KMT2E: variants seen among roughly 807,000 people sequenced by gnomAD.
The protein encoded by KMT2E is histone reader KMT2E.
KMT2E carries 30 observed loss-of-function variants against 184.6 expected under a neutral mutation model. The observed-to-expected ratio is 0.16, with a 90% CI of 0.12 to 0.22. The LOEUF (loss-of-function observed/expected upper bound fraction) is 0.22. Ranked by LOEUF, KMT2E falls within the 10% of genes least tolerant of loss-of-function variation. The pLI, the probability that KMT2E is intolerant of heterozygous loss-of-function variation, is 1.00. For synonymous variants in KMT2E, 815 were observed against 776.5 expected (o/e 1.05, Z -0.82); for missense variants, 2,023 against 2,237.4 (o/e 0.90, Z 1.93).
chr7:105,069,498 C>T (rs765036836), intron 6 of KMT2E, among the ~76,000 whole-genome samples: 3 of 152,114 alleles, frequency 2.0e-5, no homozygotes, highest in East Asian at 3.9e-4. Context: ...GCATAGTGTA[C>T]GAGGGTTTTA....
At chr7:105,039,533 C>T (rs1795796329) in intron 2 of KMT2E, among the ~76,000 whole-genome samples, 2 of 152,164 alleles carry the variant, frequency 1.3e-5, no homozygotes, top group Non-Finnish European at 2.9e-5. Context: ...TATTTAGTTA[C>T]ATTTGAAAAT....
chr7:105,101,764 T>G (rs535353136), intron 16 of KMT2E, 122 bp from the exon 17 acceptor site: 1 of 993,738 alleles, frequency 1.0e-6, no homozygotes, highest in African/African-American at 1.7e-5. Flanking sequence ...TCTCTGTTCT[T>G]TATTATATAT....
At chr7:105,097,292 T>C (rs1298728777) in intron 15 of KMT2E, among the ~76,000 whole-genome samples, 2 of 152,242 alleles carry the variant, frequency 1.3e-5, no homozygotes, top group African/African-American at 4.8e-5. Context: ...TTTTGTAAGG[T>C]CCTGTTTTCT....
Position 105,101,565 on chromosome 7 carries a change from T to C in KMT2E, c.1863T>C (p.Ile621=). 1.9e-6 allele frequency: 3 copies of C among 1,559,168 alleles called. No homozygotes were observed. Among genetic ancestry groups the C allele is most frequent in the Non-Finnish European group, 2.6e-6 (3 of 1,160,586 alleles). The part of the protein sequence containing the change: ...EVKTECKDTQ[I]VSDAEVIQEQ... The stretch of plus-strand genomic sequence containing the variant: ...AAACTGAATGTAAAGATACACAGAT[T>C]GTCAGTGATGCTGAAGTTATTCAGG... Residue 621 remains isoleucine, a synonymous_variant, in exon 16 of 27, where the codon ATT becomes ATC. Transcript: ENST00000311117.
At position 105,106,763 on chromosome 7, in the gene KMT2E, G is replaced by A. The variant is rs1798914665; in HGVS notation, c.2838G>A (p.Met946Ile). 6.2e-7 allele frequency: 1 copy of A among 1,609,756 alleles called. No homozygotes were observed. Among genetic ancestry groups the A allele is most frequent in the Non-Finnish European group, 8.5e-7 (1 of 1,177,620 alleles). ...CTCCTGGTACACCAGGAAATACCAT[G>A]CACTTTGAGGTGAGAAATTTTAATG... ...PVTPGTPGNT[M>I]HFENISSPES... The change falls in exon 20 of 27, where the codon ATG becomes ATA. Residue 946 changes from methionine (M) to isoleucine (I), a missense_variant. Around this residue, in one of 8 missense-constraint regions of KMT2E, gnomAD observed 514 missense variants for 621.8 expected, o/e 0.83. Transcript: ENST00000311117.
chr7:105,019,586 A>C (rs915357769), intron 1 of KMT2E, among the ~76,000 whole-genome samples: 3 of 152,208 alleles, frequency 2.0e-5, no homozygotes, highest in African/African-American at 4.8e-5. Context: ...CTACTTGTTC[A>C]TCATTTTTAA....
rs1479096475 is a variant in KMT2E, at chr7:105,110,846, A to G, written c.4046A>G (p.Lys1349Arg). The change falls in exon 26 of 27, where the codon AAA becomes AGA. Residue 1349 changes from lysine (K) to arginine (R), a missense_variant. Transcript: ENST00000311117. Reference protein sequence around the residue: ...PSPDTSQNTCKSPPKMSKPGS... With the variant: ...PSPDTSQNTCRSPPKMSKPGS... Reference sequence around the variant, plus strand: ...CCAGATACTTCTCAAAATACTTGTAAAAGTCCTCCAAAAATGAGCAAGGTA... The same window carrying G: ...CCAGATACTTCTCAAAATACTTGTAGAAGTCCTCCAAAAATGAGCAAGGTA... The G allele has an allele frequency of 1.9e-6, 3 of 1,613,356 alleles. No individual in the cohort carries two copies. Among genetic ancestry groups the G allele is most frequent in the African/African-American group, 1.3e-5 (1 of 74,918 alleles).
chr7:105,081,844 A>G lies in KMT2E; in HGVS notation c.1358+47A>G, dbSNP rs1183873769. ...TAATCTGTTGTTTGAAAATAGTTCC[A>G]TAATGTCCCTGTAATAATTTAGGTA... On this transcript the variant is annotated intron_variant, in intron 13 of 26. Coordinates refer to ENST00000311117, the MANE Select transcript of KMT2E (RefSeq NM_182931.3). The G allele has an allele frequency of 7.8e-6, 6 of 769,836 alleles. No individual in the cohort carries two copies. In the Admixed American group the frequency reaches 1.3e-4, roughly 16 times the overall value. The allele number at this position is 769,836 out of a possible 1,614,324, so 47.7% of individuals were successfully genotyped here. A position where few individuals can be genotyped will look rare whatever the true frequency, so the allele number is the denominator to read the frequency against.
chr7:105,051,434 C>T (rs979965169), intron 3 of KMT2E, among the ~76,000 whole-genome samples: 1 of 151,970 alleles, frequency 6.6e-6, no homozygotes, highest in African/African-American at 2.4e-5. Flanking sequence ...ATACGCCCGC[C>T]TCGGCCTACC....
At chr7:105,083,477 A>G (rs1797838461) in intron 13 of KMT2E, among the ~76,000 whole-genome samples, 1 of 152,208 alleles carries the variant, frequency 6.6e-6, no homozygotes, top group Non-Finnish European at 1.5e-5. Flanking sequence ...GGGACAAAGC[A>G]TCAATGGTAC....
intron 15 of KMT2E, among the ~76,000 whole-genome samples, chr7:105,093,725 G>T (rs1377368578): frequency 6.6e-6 from 1 of 152,050 alleles, no homozygotes; most frequent in Non-Finnish European, 1.5e-5. Context: ...TAAACTTGGT[G>T]GAACTTAGAA....
At chr7:105,111,228 C>T (rs1799244490) in intron 26 of KMT2E, 1 of 196,014 alleles carries the variant, frequency 5.1e-6, no homozygotes. Context: ...AAAGGAATGA[C>T]ATCTTCATCC....
intron 15 of KMT2E, among the ~76,000 whole-genome samples, chr7:105,093,144 G>A (rs1798275076): frequency 6.6e-6 from 1 of 152,152 alleles, no homozygotes; most frequent in South Asian, 2.1e-4. Flanking sequence ...GCACTGAGCT[G>A]TGATCCTACC....
At chr7:105,032,438 C>T (rs914422807) in intron 1 of KMT2E, among the ~76,000 whole-genome samples, 4 of 151,816 alleles carry the variant, frequency 2.6e-5, no homozygotes, top group Admixed American at 1.3e-4. Context: ...AGCGAGACTC[C>T]GTCTCAAGAA....
At chr7:105,077,633 T>TA in intron 11 of KMT2E, 200 bp downstream of exon 11, 2 of 510,230 alleles carry the variant, frequency 3.9e-6, no homozygotes, top group East Asian at 3.3e-5. Context: ...AATGCAAAGA[T>TA]ATATTCCGGT....
At chr7:105,015,468 C>G (rs146465228) in intron 1 of KMT2E, among the ~76,000 whole-genome samples, 1 of 152,216 alleles carries the variant, frequency 6.6e-6, no homozygotes, top group Non-Finnish European at 1.5e-5. Flanking sequence ...CTCGTTTTGC[C>G]TATTTTGTTC....
At position 105,107,520 on chromosome 7, in the gene KMT2E, A is replaced by G; in HGVS notation, c.3063A>G (p.Ser1021=). The G allele has an allele frequency of 6.2e-7, 1 of 1,614,214 alleles. No homozygotes were observed. Among genetic ancestry groups the G allele is most frequent in the Non-Finnish European group, 8.5e-7 (1 of 1,180,020 alleles). Residue 1021 remains serine (S), a synonymous_variant, in exon 22 of 27, where the codon TCA becomes TCG. Transcript: ENST00000311117. ...RQCPGEKEPV[S]DLQLGLDAVE... ...GTCCTGGAGAAAAGGAACCTGTGTC[A>G]GACCTTCAGCTAGGACTCGATGCAG...
chr7:105,110,569 G>A lies in KMT2E; in HGVS notation c.3937G>A (p.Gly1313Ser). ...TCACATACCCCAGTTGCAAGCTAAGGGCCCAGTCCCTTCTTTCAGTGAACT... is the reference window on the plus strand; with the variant it reads ...TCACATACCCCAGTTGCAAGCTAAGAGCCCAGTCCCTTCTTTCAGTGAACT... ...SNHIPQLQAK[G>S]PVPSFSELME... is the part of the protein sequence containing the mutation. Residue 1313 changes from glycine (G) to serine (S), a missense_variant, in exon 25 of 27, where the codon GGC (glycine) becomes AGC (serine). Coordinates refer to ENST00000311117, the MANE Select transcript of KMT2E (RefSeq NM_182931.3). 1 of 1,614,060 alleles carries A rather than the reference G, an allele frequency of 6.2e-7. No individual in the cohort carries two copies. The highest frequency in any genetic ancestry group is 1.7e-5 in the Admixed American group (1 of 60,012).
chr7:105,105,412 A>G (rs758974592), intron 17 of KMT2E, 27 bp from the exon 18 acceptor site: 4 of 1,529,128 alleles, frequency 2.6e-6, no homozygotes, highest in Non-Finnish European at 3.5e-6. Flanking sequence ...TACATATATA[A>G]TGATCCAATT....
Sources: allele counts gnomAD v4.1 joint callset (sites outside exome capture counted in the v4.1 genomes callset), GRCh38; gene constraint gnomAD v4.1.1; regional missense constraint gnomAD v4.1.1; transcripts MANE v1.5; gene names NCBI Gene and HGNC (gene_info 2026-07-23, HGNC 2026-07-21).